Variants in STPG1 observed in about 807,000 individuals in gnomAD.
The protein encoded by STPG1 is sperm tail PG-rich repeat containing 1, also known as O(6)-methylguanine-induced apoptosis 2.
In STPG1, 33 loss-of-function variants were observed where a neutral mutation model predicts 40.1. The ratio of observed to expected loss-of-function variants is 0.82; its 90% CI spans 0.62 to 1.10. STPG1 has a LOEUF of 1.10. STPG1 is among the 50% of genes least tolerant of loss of function. The pLI, the probability that STPG1 is intolerant of heterozygous loss-of-function variation, is 0.00. For synonymous variants in STPG1, 150 were observed against 155.0 expected (o/e 0.97, Z 0.24); for missense variants, 396 against 415.1 (o/e 0.95, Z 0.40).
At chr1:24,404,308 T>A (rs563036197) in intron 1 of STPG1, among the ~76,000 whole-genome samples, 1 of 152,272 alleles carries the variant, frequency 6.6e-6, no homozygotes, top group Non-Finnish European at 1.5e-5. Context: ...ATCACTTTTA[T>A]ATATTGAAGG....
At chr1:24,387,297 A>C (rs1012848598) in intron 3 of STPG1, among the ~76,000 whole-genome samples, 9 of 152,112 alleles carry the variant, frequency 5.9e-5, no homozygotes, top group Non-Finnish European at 1.0e-4. Flanking sequence ...TCATGGATGG[A>C]TGTGTGGTCG....
intron 1 of STPG1, among the ~76,000 whole-genome samples, chr1:24,403,407 G>T (rs554724195): frequency 1.3e-5 from 2 of 152,064 alleles, no homozygotes; most frequent in East Asian, 1.9e-4. Context: ...TTCCAACTTT[G>T]TCTTATTTTT....
intron 3 of STPG1, among the ~76,000 whole-genome samples, chr1:24,385,119 T>G (rs1174506937): frequency 6.6e-6 from 1 of 152,196 alleles, no homozygotes; most frequent in Non-Finnish European, 1.5e-5. Context: ...CCACCATCCC[T>G]ACTGCCTTCC....
chr1:24,397,678 A>G (rs11590271), intron 2 of STPG1, among the ~76,000 whole-genome samples: 32 of 151,052 alleles, frequency 2.1e-4, no homozygotes, highest in Non-Finnish European at 4.1e-4. Context: ...GAGTATCTCA[A>G]CAGATTAAAA....
At chr1:24,383,203 G>A (rs1056174294) in intron 4 of STPG1, among the ~76,000 whole-genome samples, 7 of 152,124 alleles carry the variant, frequency 4.6e-5, no homozygotes, top group Non-Finnish European at 8.8e-5. Context: ...ATGAGCCACC[G>A]TGCCTGTCCA....
intron 1 of STPG1, among the ~76,000 whole-genome samples, chr1:24,412,702 A>G (rs1643754753): frequency 6.6e-6 from 1 of 152,204 alleles, no homozygotes; most frequent in Admixed American, 6.5e-5. Context: ...TACAAAAATA[A>G]TAATAATAGT....
At position 24,379,816 on chromosome 1, in the gene STPG1, C is replaced by G; in HGVS notation, c.299G>C (p.Arg100Pro). The G allele has an allele frequency of 6.2e-7, 1 of 1,613,824 alleles. No homozygotes were observed. The highest frequency in any genetic ancestry group is 1.1e-5 in the South Asian group (1 of 91,070). ...GTATTTAGAAATGATGGTGTCCAAT[C>G]GGGCGCACTGTAAGGAGACAACCAA... ...GTCMFPSMCA[R>P]LDTIISKYPA... The change falls in exon 5 of 9, where the codon CGA (arginine) becomes CCA (proline). Residue 100 changes from arginine (R) to proline (P), a missense_variant. By Grantham distance (103) the Arg-to-Pro change is moderately radical (BLOSUM62 -2). Transcript: ENST00000337248.
At chr1:24,369,023 C>T (rs1217468453) in intron 7 of STPG1, 2 of 188,734 alleles carry the variant, frequency 1.1e-5, no homozygotes, top group African/African-American at 4.7e-5. Context: ...ATTTTTAATT[C>T]TGAAAGCAAA....
chr1:24,386,989 C>T (rs904635997), intron 3 of STPG1, among the ~76,000 whole-genome samples: 3 of 150,346 alleles, frequency 2.0e-5, no homozygotes, highest in African/African-American at 4.9e-5. Context: ...AGCGCCGATG[C>T]GGCCCGCCAT....
At chr1:24,413,497 C>T (rs1313071722) in intron 1 of STPG1, among the ~76,000 whole-genome samples, 177 bp downstream of exon 1, 1 of 152,280 alleles carries the variant, frequency 6.6e-6, no homozygotes, top group Non-Finnish European at 1.5e-5. Flanking sequence ...GACGCAGGGG[C>T]AACTCCCATG....
At chr1:24,414,730 C>T (rs1643941373), upstream of STPG1, 1 of 151,766 alleles carries the variant, frequency 6.6e-6, no homozygotes, top group Non-Finnish European at 1.5e-5. Flanking sequence ...GAGATGGGGT[C>T]CCACTATATT....
chr1:24,367,105 T>C (rs1009453796), intron 7 of STPG1, among the ~76,000 whole-genome samples: 1 of 152,150 alleles, frequency 6.6e-6, no homozygotes, highest in African/African-American at 2.4e-5. Flanking sequence ...TACATGGCCA[T>C]ACACCCCTGG....
At chr1:24,402,315 T>C (rs142060513) in intron 1 of STPG1, among the ~76,000 whole-genome samples, 71 of 152,356 alleles carry the variant, frequency 4.7e-4, no homozygotes, top group Non-Finnish European at 9.0e-4. Context: ...CCAGTTGTTC[T>C]ACATCCTCAC....
chr1:24,401,234 A>C, intron 2 of STPG1, 85 bp downstream of exon 2: 2 of 1,204,126 alleles, frequency 1.7e-6, no homozygotes, highest in Non-Finnish European at 1.2e-6. Flanking sequence ...ATAACCCAGG[A>C]CTTACTATTC....
At chr1:24,358,647 T>C (rs1388203008) in intron 8 of STPG1, 28 bp from the exon 9 acceptor site, 4 of 1,581,032 alleles carry the variant, frequency 2.5e-6, no homozygotes, top group East Asian at 2.2e-5. Context: ...GGCGGAGGCA[T>C]TAAGAGAGAA....
At chr1:24,409,212 T>G (rs1359855007) in intron 1 of STPG1, among the ~76,000 whole-genome samples, 1 of 152,002 alleles carries the variant, frequency 6.6e-6, no homozygotes, top group East Asian at 1.9e-4. Context: ...ATATAAAAAT[T>G]AACCAGGCAT....
At chr1:24,407,357 T>C (rs1046387748) in intron 1 of STPG1, among the ~76,000 whole-genome samples, 22 of 152,304 alleles carry the variant, frequency 1.4e-4, no homozygotes, top group Non-Finnish European at 2.6e-4. Flanking sequence ...CCAAAGGTTA[T>C]TGATATTCTG....
rs1212603234 is a variant in STPG1, at chr1:24,399,488, T to G, written c.70+1831A>C. ...CTATCTTGGGATGGGCAAAGATTTCTTAAGTATTAATAAAATAGACATGTA... is the reference window on the plus strand; with the variant it reads ...CTATCTTGGGATGGGCAAAGATTTCGTAAGTATTAATAAAATAGACATGTA... On this transcript the variant is annotated intron_variant, in intron 2 of 8. Transcript: ENST00000337248. The surrounding 1 kb of genome is among the most constrained non-coding windows in gnomAD (Gnocchi z 4.0). 1.3e-5 allele frequency among the ~76,000 whole-genome samples: 2 copies of G among 152,190 alleles called. No homozygotes were observed. The highest frequency in any genetic ancestry group is 2.9e-5 in the Non-Finnish European group (2 of 68,014).
intron 1 of STPG1, among the ~76,000 whole-genome samples, chr1:24,405,534 G>T (rs1438971654): frequency 6.6e-6 from 1 of 152,076 alleles, no homozygotes; most frequent in Non-Finnish European, 1.5e-5. Context: ...TGTCAATTAG[G>T]TAGCATTGGT....
Sources: allele counts gnomAD v4.1 joint callset (sites outside exome capture counted in the v4.1 genomes callset), GRCh38; gene constraint gnomAD v4.1.1; non-coding constraint Gnocchi (gnomAD v3.1); transcripts MANE v1.5; gene names NCBI Gene and HGNC (gene_info 2026-07-23, HGNC 2026-07-21).